DST: variants seen among roughly 807,000 people sequenced by gnomAD.
The protein encoded by DST is bullous pemphigoid antigen.
A neutral mutation model predicts 875.2 loss-of-function variants in DST; 253 were observed. The observed-to-expected ratio is 0.29, with a 90% CI of 0.26 to 0.32. DST has a LOEUF of 0.32. DST is among the 10% of genes least tolerant of loss of function. DST has a pLI of 1.00. For synonymous variants in DST, 3,124 were observed against 3,197.1 expected, an observed-to-expected ratio of 0.98 and a Z score of 0.77; for missense variants, 8,287 against 9,111.6, an observed-to-expected ratio of 0.91 and a Z score of 3.68.
At chr6:56,774,992 CA>C (rs71549720) in intron 4 of DST, among the ~76,000 whole-genome samples, 8,031 of 52,312 alleles carry the variant, frequency 0.15, 584 homozygotes, top group African/African-American at 0.37. Context: ...AACTCCATCT[CA>C]AAAAAAAAAA....
At chr6:56,527,251 C>G (rs997388607) in intron 68 of DST, among the ~76,000 whole-genome samples, 9 of 151,784 alleles carry the variant, frequency 5.9e-5, no homozygotes, top group African/African-American at 2.2e-4. Context: ...CATTCTGTCC[C>G]TTGGGTAATA....
intron 36 of DST, among the ~76,000 whole-genome samples, chr6:56,623,405 CATAG>C (rs1027171452): frequency 5.3e-5 from 8 of 152,148 alleles, no homozygotes; most frequent in African/African-American, 1.9e-4. Context: ...GATGTTCTTT[CATAG>C]ATGAGAGATG....
At chr6:56,808,608 A>T (rs1041872719) in intron 4 of DST, among the ~76,000 whole-genome samples, 2 of 152,186 alleles carry the variant, frequency 1.3e-5, no homozygotes, top group Non-Finnish European at 2.9e-5. Context: ...TCCTTTAATA[A>T]AGAAGACTAC....
chr6:56,903,870 A>G (rs1795205545), intron 2 of DST, among the ~76,000 whole-genome samples: 1 of 152,080 alleles, frequency 6.6e-6, no homozygotes, highest in African/African-American at 2.4e-5. Context: ...TTTATACCCA[A>G]ATTTACTTGT....
At position 56,619,483 on chromosome 6, in the gene DST, T is replaced by G. The variant is rs140535914; in HGVS notation, c.4930-4999A>C. ...TTCTCTGGCAGATTTGTAGTCTTTC[T>G]AATTCTTTCTCATCTCGAAAAGAAT... On this transcript the variant is annotated intron_variant, in intron 36 of 103. Transcript: ENST00000680361. 179 of 1,612,212 alleles carry G rather than the reference T, an allele frequency of 1.1e-4. No individual in the cohort carries two copies. The African/African-American group carries it at 2.1e-3, about 19-fold the overall frequency.
chr6:56,632,082 C>T, intron 28 of DST, 42 bp from the exon 29 acceptor site: 1 of 1,483,314 alleles, frequency 6.7e-7, no homozygotes, highest in Non-Finnish European at 9.4e-7. Context: ...TGTTTTCTAT[C>T]TCTTAGAAGC....
intron 38 of DST, among the ~76,000 whole-genome samples, chr6:56,610,816 T>C (rs370627671): frequency 3.2e-4 from 48 of 152,206 alleles, no homozygotes; most frequent in African/African-American, 1.2e-3. Context: ...ACATACAAAA[T>C]TCCAAAATAA....
At chr6:56,910,950 G>A (rs1341573293) in intron 2 of DST, among the ~76,000 whole-genome samples, 1 of 152,096 alleles carries the variant, frequency 6.6e-6, no homozygotes, top group Non-Finnish European at 1.5e-5. Context: ...TACAACTTAG[G>A]TGCAGTTTTG....
At chr6:56,948,721 G>A (rs1185669446) in intron 2 of DST, among the ~76,000 whole-genome samples, 1 of 152,148 alleles carries the variant, frequency 6.6e-6, no homozygotes, top group African/African-American at 2.4e-5. Flanking sequence ...AACCACTTGA[G>A]CTAGAAGCAA....
rs553209822 is a variant in DST, at chr6:56,843,383, G to A, written c.625+8014C>T. On this transcript the variant is annotated intron_variant, in intron 4 of 103. Transcript: ENST00000680361. ...GGCCGATGGTGGGCCGCCCGGCTCC[G>A]GGAGCCCGAGTCCCTCTCGGGTTTC... 60 of 1,151,540 alleles carry A rather than the reference G, an allele frequency of 5.2e-5. No individual in the cohort carries two copies. The South Asian group carries it at 2.1e-3, about 41-fold the overall frequency. 71.3% of individuals were successfully genotyped at this position (1,151,540 alleles called of 1,614,324 possible).
chr6:56,574,739 G>C (rs2097840340), intron 50 of DST, among the ~76,000 whole-genome samples: 3 of 151,884 alleles, frequency 2.0e-5, no homozygotes, highest in Admixed American at 2.0e-4. Flanking sequence ...TGAAAAGTTT[G>C]AACAATGGTT....
intron 5 of DST, among the ~76,000 whole-genome samples, chr6:56,730,875 A>T (rs2099494796): frequency 6.6e-6 from 1 of 152,212 alleles, no homozygotes; most frequent in Non-Finnish European, 1.5e-5. Context: ...ATACAACTGA[A>T]CTACCGGAAC....
intron 2 of DST, among the ~76,000 whole-genome samples, chr6:56,911,953 T>C (rs1379005518): frequency 1.7e-5 from 2 of 117,970 alleles, no homozygotes; most frequent in Non-Finnish European, 3.8e-5. Context: ...AGATCTATAA[T>C]TTTTCTGGTC....
intron 69 of DST, among the ~76,000 whole-genome samples, chr6:56,523,799 G>A (rs1338427664): frequency 6.6e-6 from 1 of 152,096 alleles, no homozygotes; most frequent in Non-Finnish European, 1.5e-5. Context: ...CAAGACACAT[G>A]TCCTTACCCC....
chr6:56,470,018 A>C lies in DST; in HGVS notation c.22477-61T>G, dbSNP rs138370089. The stretch of plus-strand genomic sequence containing the variant: ...TCAATATTACATAGTACAATCCTTA[A>C]AACTTTGACACAACAATTAGAGTGA... On this transcript the variant is annotated intron_variant, in intron 96 of 103. Coordinates refer to ENST00000680361, the MANE Select transcript of DST (RefSeq NM_001374736.1). The C allele has an allele frequency of 6.9e-5, 111 of 1,604,764 alleles. No individual in the cohort carries two copies. In the Middle Eastern group the frequency reaches 2.1e-3, roughly 31 times the overall value.
At chr6:56,578,999 G>T (rs2097916877) in intron 49 of DST, 62 bp from the exon 50 acceptor site, 20 of 1,358,252 alleles carry the variant, frequency 1.5e-5, no homozygotes, top group Non-Finnish European at 1.8e-5. Context: ...TTCTAATGTG[G>T]AAAAAATGAT....
At chr6:56,494,229 A>G (rs750953734) in intron 82 of DST, 49 bp from the exon 83 acceptor site, 2 of 1,524,346 alleles carry the variant, frequency 1.3e-6, no homozygotes, top group Non-Finnish European at 1.8e-6. Flanking sequence ...AGTAAAATTT[A>G]AGAGTTCTAT....
At position 56,506,533 on chromosome 6, in the gene DST, T is replaced by C; in HGVS notation, c.19374A>G (p.Ala6458=). The change falls in exon 77 of 104, where the codon GCA becomes GCG. Residue 6458 remains alanine (A), a synonymous_variant. Coordinates refer to ENST00000680361, the MANE Select transcript of DST (RefSeq NM_001374736.1). ...TCCAAGCTTTATTTAGAGAATCCCATGCTGAATTTAACTACAAGATGTATG... is the reference window on the plus strand; with the variant it reads ...TCCAAGCTTTATTTAGAGAATCCCACGCTGAATTTAACTACAAGATGTATG... The part of the protein sequence containing the change: ...VKKSIDELNS[A]WDSLNKAWKD... 6.2e-7 allele frequency: 1 copy of C among 1,612,864 alleles called. No homozygotes were observed. Among genetic ancestry groups the C allele is most frequent in the Non-Finnish European group, 8.5e-7 (1 of 1,179,318 alleles).
At chr6:56,460,365 G>A in intron 102 of DST, 111 bp from the exon 103 acceptor site, 1 of 1,124,204 alleles carries the variant, frequency 8.9e-7, no homozygotes, top group Non-Finnish European at 1.3e-6. Context: ...TCCTCTTTAG[G>A]AGGTGAAGGG....
Sources: gnomAD v4.1 joint callset for allele counts (sites outside exome capture counted in the v4.1 genomes callset) on GRCh38, gnomAD v4.1.1 for gene constraint, MANE v1.5 for transcripts, NCBI Gene and HGNC (gene_info 2026-07-23, HGNC 2026-07-21) for gene names.